The following MAPK4 variants were observed in gnomAD, a reference collection of about 807,000 sequenced individuals.
MAPK4 encodes mitogen-activated protein kinase 4, also known as Erk3-related.
In MAPK4, 22 loss-of-function variants were observed where a neutral mutation model predicts 47.7. That is an observed-to-expected ratio of 0.46 (90% confidence interval 0.33 to 0.66). MAPK4 has a LOEUF of 0.66. MAPK4 is among the 30% of genes least tolerant of loss of function. MAPK4 has a pLI of 0.02. For missense variants in MAPK4, 736 were observed against 831.7 expected, an observed-to-expected ratio of 0.88 and a Z score of 1.42; for synonymous variants, 390 against 365.7, an observed-to-expected ratio of 1.07 and a Z score of -0.76.
intron 5 of MAPK4, among the ~76,000 whole-genome samples, chr18:50,728,137 C>G (rs1404040566): frequency 6.6e-6 from 1 of 152,214 alleles, no homozygotes; most frequent in Non-Finnish European, 1.5e-5. Context: ...TCTCCTTGGT[C>G]TATCTGTTGG....
intron 2 of MAPK4, among the ~76,000 whole-genome samples, chr18:50,696,431 C>G (rs1438279549): frequency 1.3e-5 from 2 of 152,242 alleles, no homozygotes; most frequent in Non-Finnish European, 2.9e-5. Context: ...GTTGGGGATA[C>G]AGCCAGTGAG....
chr18:50,677,794 A>G (rs1908360510), intron 2 of MAPK4, among the ~76,000 whole-genome samples: 1 of 152,070 alleles, frequency 6.6e-6, no homozygotes, highest in Non-Finnish European at 1.5e-5. Flanking sequence ...AGCTCAAGCA[A>G]TCTTCCTGCC....
At chr18:50,634,607 T>C (rs1039466117) in intron 1 of MAPK4, among the ~76,000 whole-genome samples, 3 of 152,196 alleles carry the variant, frequency 2.0e-5, no homozygotes, top group Non-Finnish European at 4.4e-5. Flanking sequence ...ATTTTTAAAT[T>C]TCCCCATAGG....
At chr18:50,634,165 T>TGGAGC (rs1167158863) in intron 1 of MAPK4, among the ~76,000 whole-genome samples, 4 of 152,212 alleles carry the variant, frequency 2.6e-5, no homozygotes, top group Non-Finnish European at 5.9e-5. Flanking sequence ...CTATCAGGAC[T>TGGAGC]GGAGCAGAGC....
chr18:50,572,383 AAAG>A (rs920185971), intron 1 of MAPK4, among the ~76,000 whole-genome samples: 1 of 152,216 alleles, frequency 6.6e-6, no homozygotes, highest in African/African-American at 2.4e-5. Context: ...AGGACAAAAG[AAAG>A]AAGACTCAGG....
intron 2 of MAPK4, among the ~76,000 whole-genome samples, chr18:50,685,419 C>T (rs1248599478): frequency 3.3e-5 from 5 of 152,218 alleles, no homozygotes; most frequent in Admixed American, 6.5e-5. Flanking sequence ...CCTGCAGTTC[C>T]CTTTAAGTCT....
chr18:50,584,035 T>TC (rs1007980014), intron 1 of MAPK4, among the ~76,000 whole-genome samples: 3 of 152,224 alleles, frequency 2.0e-5, no homozygotes, highest in African/African-American at 7.2e-5. Context: ...AAGATCCTGT[T>TC]CATCATAATT....
At chr18:50,578,965 G>C (rs961534283) in intron 1 of MAPK4, among the ~76,000 whole-genome samples, 3 of 152,204 alleles carry the variant, frequency 2.0e-5, no homozygotes, top group Non-Finnish European at 4.4e-5. Flanking sequence ...GCAGAGGTGA[G>C]AGAGAACATG....
At chr18:50,637,376 A>G (rs1171290579) in intron 1 of MAPK4, among the ~76,000 whole-genome samples, 2 of 152,204 alleles carry the variant, frequency 1.3e-5, no homozygotes, top group Non-Finnish European at 2.9e-5. Flanking sequence ...GGTCAGGTAT[A>G]GTGAAGTTCA....
chr18:50,578,218 G>A (rs895597017), intron 1 of MAPK4, among the ~76,000 whole-genome samples: 1 of 152,218 alleles, frequency 6.6e-6, no homozygotes, highest in Non-Finnish European at 1.5e-5. Context: ...CAGCTATCCT[G>A]GAAAAGGGGA....
At chr18:50,579,870 A>G (rs1381657465) in intron 1 of MAPK4, among the ~76,000 whole-genome samples, 1 of 152,192 alleles carries the variant, frequency 6.6e-6, no homozygotes, top group Non-Finnish European at 1.5e-5. Context: ...GACAAGTGCA[A>G]AGGGTGTTAG....
chr18:50,609,822 A>T (rs2042616624), intron 1 of MAPK4, among the ~76,000 whole-genome samples: 1 of 152,142 alleles, frequency 6.6e-6, no homozygotes, highest in South Asian at 2.1e-4. Flanking sequence ...CTCTTTGGTC[A>T]TATTGGTCTG....
chr18:50,563,063 C>A (rs1405001496), intron 1 of MAPK4, among the ~76,000 whole-genome samples: 1 of 152,018 alleles, frequency 6.6e-6, no homozygotes, highest in East Asian at 1.9e-4. Flanking sequence ...CTTTTAAATT[C>A]TTTATAAAAA....
chr18:50,666,156 C>A (rs953352686), intron 2 of MAPK4, among the ~76,000 whole-genome samples: 30 of 152,198 alleles, frequency 2.0e-4, no homozygotes, highest in Non-Finnish European at 1.5e-5. Flanking sequence ...CTTAAGACAG[C>A]ACATAGTAGG....
intron 2 of MAPK4, among the ~76,000 whole-genome samples, chr18:50,711,051 G>T (rs959389217): frequency 1.3e-5 from 2 of 152,206 alleles, no homozygotes; most frequent in Non-Finnish European, 2.9e-5. Context: ...CCCTTCTGGA[G>T]TGACTTTGAT....
At chr18:50,581,244 A>G (rs1009434243) in intron 1 of MAPK4, among the ~76,000 whole-genome samples, 1 of 152,226 alleles carries the variant, frequency 6.6e-6, no homozygotes, top group African/African-American at 2.4e-5. Flanking sequence ...GAAGCTGCTT[A>G]GCTGAGTGGT....
chr18:50,576,263 C>T (rs2042296481), intron 1 of MAPK4, among the ~76,000 whole-genome samples: 1 of 152,098 alleles, frequency 6.6e-6, no homozygotes, highest in African/African-American at 2.4e-5. Context: ...AACAATGGGC[C>T]AGATAAAACA....
intron 2 of MAPK4, among the ~76,000 whole-genome samples, chr18:50,682,301 T>C (rs556820449): frequency 6.6e-6 from 1 of 152,286 alleles, no homozygotes; most frequent in Non-Finnish European, 1.5e-5. Context: ...GTATATGTAG[T>C]TTAAAATCTT....
chr18:50,703,426 ATCT>A (rs1909891208), intron 2 of MAPK4, among the ~76,000 whole-genome samples: 1 of 152,324 alleles, frequency 6.6e-6, no homozygotes, highest in Admixed American at 6.5e-5. Context: ...TGCCTTCAGC[ATCT>A]TCTGTCTGCA....
Sources: gnomAD v4.1 joint callset for allele counts (sites outside exome capture counted in the v4.1 genomes callset) on GRCh38, gnomAD v4.1.1 for gene constraint, MANE v1.5 for transcripts, NCBI Gene and HGNC (gene_info 2026-07-23, HGNC 2026-07-21) for gene names.